The following STK17A variants were observed in gnomAD, a reference collection of about 807,000 sequenced individuals.
The protein encoded by STK17A is serine/threonine-protein kinase 17A.
In STK17A, 26 loss-of-function variants were observed where a neutral mutation model predicts 43.7. The observed-to-expected ratio is 0.60, with a 90% CI of 0.44 to 0.83. The LOEUF is 0.83. Among genes scored for constraint, STK17A ranks in the 40% least tolerant of loss-of-function variants. STK17A has a pLI of 0.00. For missense variants in STK17A, 476 were observed against 511.6 expected, an observed-to-expected ratio of 0.93 and a Z score of 0.67; for synonymous variants, 191 against 182.5, an observed-to-expected ratio of 1.05 and a Z score of -0.38.
intron 6 of STK17A, among the ~76,000 whole-genome samples, chr7:43,624,185 C>T (rs1186406996): frequency 1.3e-5 from 2 of 152,074 alleles, no homozygotes; most frequent in South Asian, 2.1e-4. Context: ...TGTGTCATGG[C>T]AGTAAATAGC....
At chr7:43,620,187 T>C (rs748506850) in intron 4 of STK17A, among the ~76,000 whole-genome samples, 1 of 152,088 alleles carries the variant, frequency 6.6e-6, no homozygotes, top group African/African-American at 2.4e-5. Flanking sequence ...AGCTTAAACA[T>C]TGAAGGTAGC....
At chr7:43,623,140 A>T (rs2084095503) in intron 4 of STK17A, 1 of 154,678 alleles carries the variant, frequency 6.5e-6, no homozygotes, top group Non-Finnish European at 1.4e-5. Flanking sequence ...ACAGAAAAAT[A>T]GATCAGAGGG....
At chr7:43,596,512 G>A (rs2082516563) in intron 2 of STK17A, among the ~76,000 whole-genome samples, 1 of 152,112 alleles carries the variant, frequency 6.6e-6, no homozygotes. Context: ...AATTTAAGTA[G>A]GTAGATAACA....
In STK17A at chr7:43,585,691, G is replaced by T. The variant is rs542235810; in HGVS notation, c.206+2242G>T. On this transcript the variant is annotated intron_variant, in intron 1 of 6. Transcript: ENST00000319357. ...TGAGATTGAATCTTGGCTCTTACTA[G>T]TTATGTGGACTTGAGTGCATTACCT... 3.3e-5 allele frequency among the ~76,000 whole-genome samples: 5 copies of T among 151,686 alleles called. No homozygotes were observed. In the East Asian group the frequency reaches 9.6e-4, roughly 29 times the overall value.
At chr7:43,593,716 G>T (rs1168738153) in intron 1 of STK17A, among the ~76,000 whole-genome samples, 2 of 150,584 alleles carry the variant, frequency 1.3e-5, no homozygotes, top group African/African-American at 4.9e-5. Context: ...AAACAATGAG[G>T]TTGTTTTTTT....
intron 2 of STK17A, among the ~76,000 whole-genome samples, chr7:43,603,592 A>G (rs1320258883): frequency 6.6e-6 from 1 of 152,216 alleles, no homozygotes; most frequent in Admixed American, 6.5e-5. Context: ...GCCACAGTAG[A>G]AAATTCCACA....
Position 43,624,926 on chromosome 7 carries a change from A to G in STK17A, c.*84A>G, listed in dbSNP as rs1160191512. The G allele has an allele frequency of 1.6e-6, 2 of 1,214,394 alleles. No homozygotes were observed. The highest frequency in any genetic ancestry group is 2.3e-6 in the Non-Finnish European group (2 of 876,742). 75.2% of individuals were successfully genotyped at this position (1,214,394 alleles called of 1,614,324 possible). A position where few individuals can be genotyped will look rare whatever the true frequency, so the allele number is the denominator to read the frequency against. ...GGACCTCTGGCCAAATGGTACATGT[A>G]CTGGAAGTGGATAACCAGTATCACT... On this transcript the variant is annotated 3_prime_UTR_variant, in exon 7 of 7. Coordinates refer to ENST00000319357, the MANE Select transcript of STK17A (RefSeq NM_004760.3).
At chr7:43,583,571 C>T (rs994881386) in intron 1 of STK17A, 122 bp downstream of exon 1, 1 of 908,920 alleles carries the variant, frequency 1.1e-6, no homozygotes, top group East Asian at 3.5e-5. Context: ...CGATAACGCG[C>T]GTTGTGACTT....
intron 2 of STK17A, among the ~76,000 whole-genome samples, chr7:43,598,972 CCAGG>C (rs1294548058): frequency 1.2e-4 from 19 of 152,054 alleles, no homozygotes; most frequent in African/African-American, 3.9e-4. Flanking sequence ...ACCATGTTGG[CCAGG>C]CTGGTTTCGA....
At chr7:43,623,466 G>A in intron 4 of STK17A, 106 bp from the exon 5 acceptor site, 6 of 866,460 alleles carry the variant, frequency 6.9e-6, no homozygotes, top group South Asian at 3.0e-5. Flanking sequence ...TAGCCCAAAC[G>A]TTGGATAGTG....
chr7:43,620,884 G>A (rs934804771), intron 4 of STK17A, among the ~76,000 whole-genome samples: 1 of 152,150 alleles, frequency 6.6e-6, no homozygotes, highest in Non-Finnish European at 1.5e-5. Context: ...GGCCGTGGCA[G>A]GAATGGAGAA....
intron 3 of STK17A, among the ~76,000 whole-genome samples, chr7:43,611,228 AGTTTCCTACAGAAAAATTTACTC>A (rs2082849008): frequency 6.6e-6 from 1 of 152,252 alleles, no homozygotes; most frequent in Non-Finnish European, 1.5e-5. Flanking sequence ...TTTAAATACT[AGTTTCCTACAGAAAAATTTACTC>A]GTTTCCTACA....
At chr7:43,619,242 A>G (rs911273438) in intron 3 of STK17A, among the ~76,000 whole-genome samples, 1 of 152,194 alleles carries the variant, frequency 6.6e-6, no homozygotes, top group Non-Finnish European at 1.5e-5. Context: ...AACAATACCA[A>G]TTGTGCTTGA....
intron 1 of STK17A, among the ~76,000 whole-genome samples, chr7:43,589,750 A>G (rs2082466384): frequency 6.6e-6 from 1 of 151,418 alleles, no homozygotes; most frequent in East Asian, 1.9e-4. Context: ...AGTGTCTTTT[A>G]AACATATTCT....
chr7:43,595,289 C>CTTTTTTTTT (rs1379359635), intron 1 of STK17A, among the ~76,000 whole-genome samples: 1 of 77,850 alleles, frequency 1.3e-5, no homozygotes, highest in Non-Finnish European at 2.6e-5. Context: ...TTTTTTTTTC[C>CTTTTTTTTT]CCCCTGGAGA....
In STK17A at chr7:43,596,102, A is replaced by G. The variant is rs1326532898; in HGVS notation, c.408A>G (p.Leu136=). 6.2e-7 allele frequency: 1 copy of G among 1,609,918 alleles called. No individual in the cohort carries two copies. ...ATGAGACTGCATCAGAAATGATCTT[A>G]GTTCTGGAATAGTAAGTATTGTCTT... The part of the protein sequence containing the change: ...EVYETASEMI[L]VLEYAAGGEI... Residue 136 remains leucine, a synonymous_variant, in exon 2 of 7, where the codon TTA becomes TTG. Coordinates refer to ENST00000319357, the MANE Select transcript of STK17A (RefSeq NM_004760.3).
At chr7:43,621,220 T>A (rs10262925) in intron 4 of STK17A, among the ~76,000 whole-genome samples, 1 of 152,096 alleles carries the variant, frequency 6.6e-6, no homozygotes, top group Non-Finnish European at 1.5e-5. Context: ...ACCTTTAAAA[T>A]TTTTTATATA....
chr7:43,606,916 C>CTTTTTTTTTTTTTTTTT (rs71011933), intron 2 of STK17A, among the ~76,000 whole-genome samples: 3 of 62,638 alleles, frequency 4.8e-5, no homozygotes, highest in African/African-American at 1.6e-4. Context: ...TTTCGATTTT[C>CTTTTTTTTTTTTTTTTT]TTTTTTTTTT....
At chr7:43,614,107 A>G (rs2083124751) in intron 3 of STK17A, among the ~76,000 whole-genome samples, 1 of 152,110 alleles carries the variant, frequency 6.6e-6, no homozygotes, top group African/African-American at 2.4e-5. Flanking sequence ...TGCCCATGAC[A>G]CCCTAAGCCT....
Sources: gnomAD v4.1 joint callset for allele counts (sites outside exome capture counted in the v4.1 genomes callset) on GRCh38, gnomAD v4.1.1 for gene constraint, MANE v1.5 for transcripts, NCBI Gene and HGNC (gene_info 2026-07-23, HGNC 2026-07-21) for gene names.